The following FRMPD4 variants were observed in gnomAD, a reference collection of about 807,000 sequenced individuals.
FRMPD4 encodes FERM and PDZ domain containing 4.
Under a neutral mutation model 94.1 loss-of-function variants are expected in FRMPD4, and 22 were observed. The observed-to-expected ratio is 0.23, with a 90% CI of 0.17 to 0.33. The LOEUF is 0.33. Ranked by LOEUF, FRMPD4 falls within the 10% of genes least tolerant of loss-of-function variation. FRMPD4 has a pLI of 1.00. For synonymous variants in FRMPD4, 631 were observed against 548.6 expected, an observed-to-expected ratio of 1.15 and a Z score of -2.10; for missense variants, 1,111 against 1,339.9, an observed-to-expected ratio of 0.83 and a Z score of 2.67.
intron 3 of FRMPD4, among the ~76,000 whole-genome samples, chrX:12,041,359 C>T: frequency 8.9e-6 from 1 of 112,168 alleles, no homozygotes; most frequent in Non-Finnish European, 1.9e-5. Flanking sequence ...GATCTAGCAA[C>T]AGATTCTGTA....
intron 1 of FRMPD4, among the ~76,000 whole-genome samples, chrX:11,831,517 C>A (rs1162457885): frequency 9.0e-6 from 1 of 111,703 alleles, no homozygotes; most frequent in Non-Finnish European, 1.9e-5. Flanking sequence ...TATCTGTGAC[C>A]TAGTTAAGCA....
intron 3 of FRMPD4, among the ~76,000 whole-genome samples, chrX:11,927,864 A>T (rs1259266774): frequency 8.9e-6 from 1 of 112,330 alleles, no homozygotes; most frequent in African/African-American, 3.2e-5. Context: ...CATGATGAAG[A>T]CACCAGAAAC....
At chrX:11,930,107 CA>C (rs55973946) in intron 3 of FRMPD4, among the ~76,000 whole-genome samples, 692 of 13,142 alleles carry the variant, frequency 0.053, 1 homozygote, top group African/African-American at 0.17. Context: ...GACTCTGTCT[CA>C]AAAAAAAAAA....
intron 3 of FRMPD4, among the ~76,000 whole-genome samples, chrX:12,102,486 C>T (rs1047390679): frequency 3.6e-5 from 4 of 111,520 alleles, no homozygotes; most frequent in Non-Finnish European, 7.5e-5. Context: ...CCTCAGCATC[C>T]CTTTTAAGGT....
chrX:11,881,033 C>T (rs1236073631), intron 3 of FRMPD4, among the ~76,000 whole-genome samples: 1 of 112,374 alleles, frequency 8.9e-6, no homozygotes, highest in Admixed American at 9.4e-5. Flanking sequence ...GAACCTACCA[C>T]ATTGCAAAAT....
Position 12,039,967 on chromosome X carries a change from C to CAA in FRMPD4, c.95+161965_95+161966dup, listed in dbSNP as rs367795862. ...CTGGGCAACAAGAGCAAAACTTTGT[C>CAA]AAAAAAAAAAAAAAAAAGAAAAAAA... On this transcript the variant is annotated intron_variant, in intron 3 of 18. Transcript: ENST00000640291. Among the ~76,000 whole-genome samples the CAA allele has an allele frequency of 6.3e-3, 201 of 31,973 alleles. 4 individuals are homozygous for CAA. The highest frequency in any genetic ancestry group is 0.045 in the Admixed American group (137 of 3,031). The allele number at this position is 31,973 out of a possible 115,157, so 27.8% of individuals were successfully genotyped here.
chrX:12,442,017 T>C (rs1220629704), intron 1 of FRMPD4, among the ~76,000 whole-genome samples: 1 of 111,666 alleles, frequency 9.0e-6, no homozygotes, highest in Non-Finnish European at 1.9e-5. Context: ...AGAGCAGAAC[T>C]TCCCAATCAC....
intron 3 of FRMPD4, among the ~76,000 whole-genome samples, chrX:11,979,398 T>C (rs1446427775): frequency 8.9e-6 from 1 of 112,134 alleles, no homozygotes; most frequent in Non-Finnish European, 1.9e-5. Context: ...CTGCTTATCT[T>C]ATACCTAAGA....
intron 1 of FRMPD4, among the ~76,000 whole-genome samples, chrX:12,238,217 C>T (rs754443354): frequency 8.9e-6 from 1 of 111,765 alleles, no homozygotes; most frequent in Admixed American, 9.4e-5. Context: ...CTCCGCTTCC[C>T]GGGTTCAAGC....
At chrX:12,332,025 TATATATATTTATATACTATATA>T (rs2055421725) in intron 1 of FRMPD4, among the ~76,000 whole-genome samples, 1 of 66,001 alleles carries the variant, frequency 1.5e-5, no homozygotes, top group Non-Finnish European at 2.4e-5. Context: ...ATATATAAAT[TATATATATTTATATACTATATA>T]TAAATTATAT....
chrX:12,495,395 G>A (rs1342789551), intron 1 of FRMPD4, among the ~76,000 whole-genome samples: 3 of 112,239 alleles, frequency 2.7e-5, no homozygotes, highest in Non-Finnish European at 5.6e-5. Context: ...AGCTGGAACT[G>A]AGGGGGTTAG....
chrX:12,455,551 C>T (rs367729461), intron 1 of FRMPD4, among the ~76,000 whole-genome samples: 7 of 111,587 alleles, frequency 6.3e-5, no homozygotes, highest in Admixed American at 9.5e-5. Flanking sequence ...TAAGATGATT[C>T]GTGAATAGCT....
At chrX:12,666,932 T>C (rs1324262714) in intron 4 of FRMPD4, among the ~76,000 whole-genome samples, 1 of 111,982 alleles carries the variant, frequency 8.9e-6, no homozygotes, top group Non-Finnish European at 1.9e-5. Flanking sequence ...TAACTAAGAA[T>C]TGTTTTCTAA....
chrX:12,577,640 G>GCCAT (rs1238036247), intron 2 of FRMPD4, among the ~76,000 whole-genome samples: 1 of 111,558 alleles, frequency 9.0e-6, no homozygotes, highest in Non-Finnish European at 1.9e-5. Context: ...AGGACAAGAG[G>GCCAT]CCATAGCTGA....
chrX:12,390,595 G>A (rs1324397981), intron 1 of FRMPD4, among the ~76,000 whole-genome samples: 5 of 111,414 alleles, frequency 4.5e-5, no homozygotes, highest in African/African-American at 1.6e-4. Context: ...TCACATTTGG[G>A]ACCTTCTTAT....
At chrX:11,957,791 G>C (rs1394521891) in intron 3 of FRMPD4, among the ~76,000 whole-genome samples, 3 of 112,237 alleles carry the variant, frequency 2.7e-5, no homozygotes, top group South Asian at 7.4e-4. Flanking sequence ...AAATTGTGCT[G>C]TACACAATGC....
chrX:12,188,881 GTTC>G (rs1240972665), intron 1 of FRMPD4, among the ~76,000 whole-genome samples: 2 of 111,450 alleles, frequency 1.8e-5, no homozygotes, highest in Non-Finnish European at 3.8e-5. Context: ...TTTCACCTTT[GTTC>G]TTCTTTAGCT....
intron 3 of FRMPD4, among the ~76,000 whole-genome samples, chrX:12,109,518 A>G (rs895427171): frequency 1.2e-4 from 14 of 112,061 alleles, no homozygotes; most frequent in African/African-American, 4.5e-4. Flanking sequence ...AAAGAACTAG[A>G]GAAGCAAGAG....
In FRMPD4 at chrX:11,904,789, T is replaced by C. The variant is rs143338235; in HGVS notation, c.95+26771T>C. On this transcript the variant is annotated intron_variant, in intron 3 of 18. Coordinates refer to the FRMPD4 transcript ENST00000640291. Reference sequence around the variant, plus strand: ...CTCTGAAGCCTTGACCTTGTACTCATAGCCCTTGAGCTTTTAAGAGATGAT... The same window carrying C: ...CTCTGAAGCCTTGACCTTGTACTCACAGCCCTTGAGCTTTTAAGAGATGAT... Among the ~76,000 whole-genome samples, 88 of 112,608 alleles carry C rather than the reference T, an allele frequency of 7.8e-4. 1 individual carries two copies. In the East Asian group the frequency reaches 0.019, roughly 25 times the overall value.
Sources: gnomAD v4.1 joint callset for allele counts (sites outside exome capture counted in the v4.1 genomes callset) on GRCh38, gnomAD v4.1.1 for gene constraint, MANE v1.5 for transcripts, NCBI Gene and HGNC (gene_info 2026-07-23, HGNC 2026-07-21) for gene names.